Variants in SLC28A3 observed in about 807,000 individuals in gnomAD.
SLC28A3 encodes the protein concentrative Na(+)-nucleoside cotransporter 3.
SLC28A3 carries 68 observed loss-of-function variants against 84.2 expected under a neutral mutation model. That is an observed-to-expected ratio of 0.81 (90% confidence interval 0.66 to 0.99). The LOEUF (loss-of-function observed/expected upper bound fraction) is 0.99, where lower values mean the gene tolerates loss of function less well. SLC28A3 is among the 50% of genes least tolerant of loss of function. SLC28A3 has a pLI of 0.00. For synonymous variants in SLC28A3, 267 were observed against 303.6 expected, an observed-to-expected ratio of 0.88 and a Z score of 1.25; for missense variants, 712 against 841.5, an observed-to-expected ratio of 0.85 and a Z score of 1.90.
At chr9:84,303,590 G>A (rs1825700926) in intron 4 of SLC28A3, among the ~76,000 whole-genome samples, 1 of 152,224 alleles carries the variant, frequency 6.6e-6, no homozygotes, top group African/African-American at 2.4e-5. Context: ...AAAGTGCTGG[G>A]ATTATAGGCA....
rs902422092 is a variant in SLC28A3 at position 84,286,069 on chromosome 9, G to A, written c.1323C>T (p.Ser441=). ...TGTTGGCCACCAGGGAGATGGAGGA[G>A]GATGCTCCCTGTGTTGCAGCTTCTA... The part of the protein sequence containing the change: ...NLLEAATQGA[S]SSISLVANIA... Residue 441 remains serine, a synonymous_variant, in exon 13 of 18, where the codon TCC becomes TCT. Transcript: ENST00000376238. The A allele has an allele frequency of 6.2e-7, 1 of 1,613,928 alleles. No homozygotes were observed. The highest frequency in any genetic ancestry group is 1.3e-5 in the African/African-American group (1 of 74,892).
At chr9:84,290,890 G>A (rs114548321) in intron 10 of SLC28A3, among the ~76,000 whole-genome samples, 99 of 152,116 alleles carry the variant, frequency 6.5e-4, no homozygotes, top group African/African-American at 2.1e-3. Context: ...ACAGGTGCCC[G>A]CAGGCCCTTC....
intron 1 of SLC28A3, among the ~76,000 whole-genome samples, chr9:84,314,682 C>G (rs1453827438): frequency 6.6e-6 from 1 of 152,220 alleles, no homozygotes; most frequent in Non-Finnish European, 1.5e-5. Flanking sequence ...TCCTACAGTT[C>G]TTTGCATATA....
chr9:84,277,993 G>A lies in SLC28A3; in HGVS notation c.*225C>T. 2 of 517,498 alleles carry A rather than the reference G, an allele frequency of 3.9e-6. No homozygotes were observed. The highest frequency in any genetic ancestry group is 5.1e-4 in the Middle Eastern group (1 of 1,978). The allele number at this position is 517,498 out of a possible 1,614,324, so 32.1% of individuals were successfully genotyped here. A position where few individuals can be genotyped will look rare whatever the true frequency, so the allele number is the denominator to read the frequency against. ...TGGAATCAACAACACCTCACTTTGG[G>A]ACATCATAGCAGTTCTTGGTGGGGA... On this transcript the variant is annotated 3_prime_UTR_variant, in exon 18 of 18. Coordinates refer to ENST00000376238, the MANE Select transcript of SLC28A3 (RefSeq NM_001199633.2).
the SLC28A3 span, among the ~76,000 whole-genome samples, chr9:84,359,908 G>A: frequency 9.6e-4 from 146 of 151,452 alleles, no homozygotes; most frequent in Non-Finnish European, 1.6e-3. Context: ...GGCTGAAGCC[G>A]GAGAATTGCT....
At chr9:84,362,035 A>G in the SLC28A3 span, among the ~76,000 whole-genome samples, 1 of 152,214 alleles carries the variant, frequency 6.6e-6, no homozygotes, top group East Asian at 1.9e-4. Context: ...ATTTTAATTA[A>G]AAGAACCAAA....
At chr9:84,278,383 G>A in intron 17 of SLC28A3, 39 bp from the exon 18 acceptor site, 1 of 1,612,170 alleles carries the variant, frequency 6.2e-7, no homozygotes, top group Non-Finnish European at 8.5e-7. Context: ...ATGAGCCATA[G>A]ATGGCAGAAA....
chr9:84,308,266 C>T (rs967383009), intron 3 of SLC28A3, among the ~76,000 whole-genome samples: 2 of 151,944 alleles, frequency 1.3e-5, no homozygotes, highest in African/African-American at 4.8e-5. Context: ...ATATTTCTGG[C>T]CGGGCGTGGT....
At chr9:84,280,926 G>A (rs757038926) in intron 14 of SLC28A3, 44 bp from the exon 15 acceptor site, 11 of 1,584,706 alleles carry the variant, frequency 6.9e-6, no homozygotes, top group Non-Finnish European at 9.5e-6. Flanking sequence ...ATCTGAGCTG[G>A]CTTAACAAAT....
the SLC28A3 span, among the ~76,000 whole-genome samples, chr9:84,361,508 C>T: frequency 1.3e-5 from 2 of 152,142 alleles, no homozygotes; most frequent in Non-Finnish European, 2.9e-5. Flanking sequence ...ACCGTTGAAG[C>T]CATAGATGAT....
intron 3 of SLC28A3, among the ~76,000 whole-genome samples, chr9:84,308,150 A>C (rs896295349): frequency 6.6e-6 from 1 of 152,152 alleles, no homozygotes; most frequent in Non-Finnish European, 1.5e-5. Context: ...CTGAGGTGGG[A>C]GGATCACCTG....
the SLC28A3 span, among the ~76,000 whole-genome samples, chr9:84,367,308 A>G: frequency 6.6e-6 from 1 of 152,232 alleles, no homozygotes; most frequent in Admixed American, 6.5e-5. Flanking sequence ...CCTCTGGCCC[A>G]GGGCAGGTCC....
intron 14 of SLC28A3, among the ~76,000 whole-genome samples, chr9:84,284,484 G>A (rs755558343): frequency 6.6e-6 from 1 of 152,190 alleles, no homozygotes; most frequent in Non-Finnish European, 1.5e-5. Flanking sequence ...AGCAGACTCA[G>A]AACCTTAGGC....
At chr9:84,303,353 T>G (rs949752449) in intron 4 of SLC28A3, among the ~76,000 whole-genome samples, 2 of 152,178 alleles carry the variant, frequency 1.3e-5, no homozygotes, top group Non-Finnish European at 2.9e-5. Flanking sequence ...GGAGTTTTGC[T>G]CTTGTTGCCC....
chr9:84,278,352 A>T lies in SLC28A3; in HGVS notation c.1950-8T>A. The T allele has an allele frequency of 6.2e-7, 1 of 1,613,740 alleles. No individual in the cohort carries two copies. The highest frequency in any genetic ancestry group is 1.7e-5 in the Admixed American group (1 of 59,904). ...GGACCCTTGGCAACAGTGCTGGTGG[A>T]AAGTGGAAAGAAACAGTTACATGAG... On this transcript the variant is annotated splice_polypyrimidine_tract_variant and splice_region_variant and intron_variant, in intron 17 of 17. Transcript: ENST00000376238.
upstream of SLC28A3, among the ~76,000 whole-genome samples, chr9:84,341,006 CA>C (rs199976722): frequency 1.5e-3 from 206 of 135,796 alleles, no homozygotes; most frequent in African/African-American, 4.2e-3. Context: ...GATGGAGTCT[CA>C]AAAAAAAAAA....
chr9:84,297,263 A>T lies in SLC28A3; in HGVS notation c.819T>A (p.Phe273Leu), dbSNP rs773158501. Reference protein sequence around the residue: ...FLEYTDAGASFVFGEKYKDHF... With the variant: ...FLEYTDAGASLVFGEKYKDHF... ...GGTCTTTGTATTTCTCACCAAAGACAAATGAAGCACCAGCATCTGTGTACT... is the reference window on the plus strand; with the variant it reads ...GGTCTTTGTATTTCTCACCAAAGACTAATGAAGCACCAGCATCTGTGTACT... The change falls in exon 8 of 18, where the codon TTT (phenylalanine) becomes TTA (leucine). Residue 273 changes from phenylalanine to leucine, a missense_variant. Transcript: ENST00000376238. 1.2e-6 allele frequency: 2 copies of T among 1,613,560 alleles called. No homozygotes were observed. Among genetic ancestry groups the T allele is most frequent in the Non-Finnish European group, 1.7e-6 (2 of 1,179,890 alleles).
intron 1 of SLC28A3, among the ~76,000 whole-genome samples, chr9:84,326,779 G>A (rs1481731867): frequency 6.6e-6 from 1 of 152,156 alleles, no homozygotes. Context: ...GCCAATGTGG[G>A]GAGATCACTT....
intron 14 of SLC28A3, among the ~76,000 whole-genome samples, chr9:84,284,384 T>G (rs1402707276): frequency 1.3e-5 from 2 of 151,794 alleles, no homozygotes; most frequent in Non-Finnish European, 2.9e-5. Flanking sequence ...TCCCCAGGAG[T>G]GGGCTGTTAT....
Sources: gnomAD v4.1 joint callset for allele counts (sites outside exome capture counted in the v4.1 genomes callset) on GRCh38, gnomAD v4.1.1 for gene constraint, MANE v1.5 for transcripts, NCBI Gene and HGNC (gene_info 2026-07-23, HGNC 2026-07-21) for gene names.